Variants in ANGPT2 observed in about 807,000 individuals in gnomAD.
ANGPT2 encodes the protein angiopoietin 2, also known as angiopoietin-2.
In ANGPT2, 28 loss-of-function variants were observed where a neutral mutation model predicts 62.9. The ratio of observed to expected loss-of-function variants is 0.44; its 90% CI spans 0.33 to 0.61. The LOEUF (loss-of-function observed/expected upper bound fraction) is 0.61, where lower values mean the gene tolerates loss of function less well. Ranked by LOEUF, ANGPT2 falls within the 20% of genes least tolerant of loss-of-function variation. ANGPT2 has a pLI of 0.03. For synonymous variants in ANGPT2, 284 were observed against 207.8 expected (o/e 1.37, Z -3.15); for missense variants, 727 against 594.9 (o/e 1.22, Z -2.31).
intron 1 of ANGPT2, among the ~76,000 whole-genome samples, chr8:6,542,918 G>C (rs989658970): frequency 6.6e-6 from 1 of 152,188 alleles, no homozygotes; most frequent in East Asian, 1.9e-4. Flanking sequence ...TTTTCTAGAA[G>C]ACATTTTCCA....
intron 1 of ANGPT2, among the ~76,000 whole-genome samples, chr8:6,532,802 G>A (rs983641481): frequency 5.9e-5 from 9 of 152,298 alleles, no homozygotes; most frequent in African/African-American, 2.2e-4. Flanking sequence ...GCAGCCACAG[G>A]GACTGCTGGG....
intron 3 of ANGPT2, among the ~76,000 whole-genome samples, chr8:6,526,039 C>T (rs1481761304): frequency 1.3e-5 from 2 of 152,032 alleles, no homozygotes; most frequent in Non-Finnish European, 1.5e-5. Context: ...CATTGTATAA[C>T]AGGCAAGAGA....
intron 3 of ANGPT2, among the ~76,000 whole-genome samples, chr8:6,526,181 A>G (rs578022852): frequency 6.9e-6 from 1 of 145,170 alleles, no homozygotes; most frequent in Admixed American, 7.1e-5. Context: ...GCACTTTAGG[A>G]TGCTGCGGTG....
At chr8:6,558,470 C>A (rs548840978) in intron 1 of ANGPT2, among the ~76,000 whole-genome samples, 2 of 152,118 alleles carry the variant, frequency 1.3e-5, no homozygotes, top group Non-Finnish European at 2.9e-5. Context: ...AAAATAAGCA[C>A]CCCAGACCAT....
Position 6,500,114 on chromosome 8 carries a change from ACCATTGTGC to A in ANGPT2, c.*2978_*2986del. On this transcript the variant is annotated 3_prime_UTR_variant, in exon 9 of 9. Coordinates refer to ENST00000629816, the MANE Select transcript of ANGPT2 (RefSeq NM_001118887.2). Reference sequence around the variant, plus strand: ...GCGAGAACAAATGTGAGAACGTGAGACCATTGTGCAAAAAGTAGTGAGGAATGCAGTCCA... The same window carrying A: ...GCGAGAACAAATGTGAGAACGTGAGAAAAAAGTAGTGAGGAATGCAGTCCA... 4 of 611,640 alleles carry A rather than the reference ACCATTGTGC, an allele frequency of 6.5e-6. No individual in the cohort carries two copies. Among genetic ancestry groups the A allele is most frequent in the Admixed American group, 5.1e-5 (2 of 39,432 alleles). 37.9% of individuals were successfully genotyped at this position (611,640 alleles called of 1,614,324 possible). A position where few individuals can be genotyped will look rare whatever the true frequency, so the allele number is the denominator to read the frequency against.
rs1010062730 is a variant in ANGPT2 at position 6,502,189 on chromosome 8, C to G, written c.*912G>C. The G allele has an allele frequency of 2.0e-5, 3 of 151,958 alleles. No individual in the cohort carries two copies. The highest frequency in any genetic ancestry group is 2.0e-4 in the Admixed American group (3 of 15,252). The allele number at this position is 151,958 out of a possible 1,614,324, so 9.4% of individuals were successfully genotyped here. A position where few individuals can be genotyped will look rare whatever the true frequency, so the allele number is the denominator to read the frequency against. On this transcript the variant is annotated 3_prime_UTR_variant, in exon 9 of 9. Transcript: ENST00000629816. ...GTCATAGAATGAAATGTATAATTTT[C>G]CTCATCATTAAAAGTAAGAAGTTTC...
Position 6,521,276 on chromosome 8 carries a change from A to G in ANGPT2, c.701T>C (p.Ile234Thr), listed in dbSNP as rs1817285701. The change falls in exon 4 of 9, where the codon ATA becomes ACA. Residue 234 changes from isoleucine (I) to threonine (T), a missense_variant. Transcript: ENST00000629816. ...TGAATTATTCACCGTGGCAGTCACTATTTTTTTTTCTAGTTCTTCAATGAT... is the reference window on the plus strand; with the variant it reads ...TGAATTATTCACCGTGGCAGTCACTGTTTTTTTTTCTAGTTCTTCAATGAT... The part of the protein sequence containing the change: ...NSIIEELEKK[I>T]VTATVNNSVL... The G allele has an allele frequency of 1.3e-6, 2 of 1,587,570 alleles. No individual in the cohort carries two copies. The highest frequency in any genetic ancestry group is 1.7e-6 in the Non-Finnish European group (2 of 1,158,548).
intron 1 of ANGPT2, among the ~76,000 whole-genome samples, chr8:6,558,418 T>A (rs1378011520): frequency 2.0e-5 from 3 of 152,236 alleles, no homozygotes; most frequent in Non-Finnish European, 2.9e-5. Context: ...AACTCTTGTT[T>A]TTCAATTTTA....
At chr8:6,525,706 C>G (rs1818202721) in intron 3 of ANGPT2, among the ~76,000 whole-genome samples, 1 of 152,134 alleles carries the variant, frequency 6.6e-6, no homozygotes, top group Non-Finnish European at 1.5e-5. Flanking sequence ...AACTCATACA[C>G]CTGTAAAATC....
At chr8:6,509,752 T>A (rs1190669895) in intron 7 of ANGPT2, among the ~76,000 whole-genome samples, 2 of 152,234 alleles carry the variant, frequency 1.3e-5, no homozygotes, top group Non-Finnish European at 2.9e-5. Context: ...GGAATACACC[T>A]GACCTTTGGA....
chr8:6,531,072 T>C (rs552265964), intron 2 of ANGPT2, among the ~76,000 whole-genome samples: 2 of 152,256 alleles, frequency 1.3e-5, no homozygotes, highest in Admixed American at 1.3e-4. Context: ...GAAGCCAGGA[T>C]GAGGAGTCAG....
At chr8:6,549,573 G>T (rs942712447) in intron 1 of ANGPT2, among the ~76,000 whole-genome samples, 2 of 151,788 alleles carry the variant, frequency 1.3e-5, no homozygotes, top group African/African-American at 4.8e-5. Flanking sequence ...AGGGAGCCGC[G>T]TGCAGGGCGG....
chr8:6,503,979 G>A (rs1360308027), intron 8 of ANGPT2, among the ~76,000 whole-genome samples: 2 of 152,170 alleles, frequency 1.3e-5, no homozygotes, highest in African/African-American at 2.4e-5. Context: ...TCAGATACCT[G>A]AAGTCAGCTG....
intron 1 of ANGPT2, among the ~76,000 whole-genome samples, chr8:6,561,586 T>A (rs1825548879): frequency 1.3e-5 from 2 of 152,324 alleles, no homozygotes; most frequent in African/African-American, 4.8e-5. Context: ...CTCACCAACT[T>A]TTAAAAGACT....
intron 2 of ANGPT2, among the ~76,000 whole-genome samples, chr8:6,528,214 G>C (rs933868045): frequency 6.6e-6 from 1 of 152,108 alleles, no homozygotes; most frequent in Non-Finnish European, 1.5e-5. Flanking sequence ...TCTCTATCTT[G>C]GAAAGTGGTT....
At chr8:6,559,182 T>C (rs1276229685) in intron 1 of ANGPT2, among the ~76,000 whole-genome samples, 16 of 151,890 alleles carry the variant, frequency 1.1e-4, no homozygotes, top group Non-Finnish European at 1.5e-5. Flanking sequence ...GGTTTTATTG[T>C]TGTTGTTTTA....
intron 1 of ANGPT2, among the ~76,000 whole-genome samples, chr8:6,543,249 C>G (rs900303564): frequency 6.6e-6 from 1 of 152,168 alleles, no homozygotes; most frequent in South Asian, 2.1e-4. Flanking sequence ...GAAGACTCAG[C>G]GGGAACACAA....
chr8:6,532,370 C>T lies in ANGPT2; in HGVS notation c.406G>A (p.Ala136Thr), dbSNP rs768999298. ...EIGTNLLNQT[A>T]EQTRKLTDVE... is the part of the protein sequence containing the mutation. ...TCAGTTAACTTCCGCGTTTGCTCCG[C>T]TGTTTGGTTCAACAGGTTTGTCCCT... The change falls in exon 2 of 9, where the codon GCG becomes ACG. Residue 136 changes from alanine (A) to threonine (T), a missense_variant. By Grantham distance (58) the Ala-to-Thr change is moderately conservative. Transcript: ENST00000629816. The T allele has an allele frequency of 1.2e-6, 2 of 1,614,082 alleles. No homozygotes were observed. The highest frequency in any genetic ancestry group is 2.2e-5 in the South Asian group (2 of 91,068).
At chr8:6,523,713 C>A (rs1330100405) in intron 3 of ANGPT2, among the ~76,000 whole-genome samples, 1 of 152,096 alleles carries the variant, frequency 6.6e-6, no homozygotes, top group East Asian at 1.9e-4. Context: ...CCTCAGCCTC[C>A]TGAGTAGTTA....
Sources: allele counts gnomAD v4.1 joint callset (sites outside exome capture counted in the v4.1 genomes callset), GRCh38; gene constraint gnomAD v4.1.1; transcripts MANE v1.5; gene names NCBI Gene and HGNC (gene_info 2026-07-23, HGNC 2026-07-21).